DMP1: variants seen among roughly 807,000 people sequenced by gnomAD.
DMP1 encodes dentin matrix protein 1.
Under a neutral mutation model 14.6 loss-of-function variants are expected in DMP1, and 20 were observed. That is an observed-to-expected ratio of 1.37 (90% CI 0.96 to 1.99). The LOEUF (loss-of-function observed/expected upper bound fraction) is 1.99. Ranked by LOEUF, DMP1 falls within the 30% of genes most tolerant of loss-of-function variation. The pLI, the probability that DMP1 is intolerant of heterozygous loss-of-function variation, is 0.00. For missense variants in DMP1, 567 were observed against 620.5 expected, an observed-to-expected ratio of 0.91 and a Z score of 0.92; for synonymous variants, 197 against 215.3, an observed-to-expected ratio of 0.91 and a Z score of 0.75.
intron 5 of DMP1, among the ~76,000 whole-genome samples, chr4:87,660,957 CT>C (rs1366973241): frequency 3.9e-5 from 6 of 152,206 alleles, no homozygotes; most frequent in Non-Finnish European, 8.8e-5. Context: ...TTTAAAAACT[CT>C]GTTTCACACC....
rs760761426 is a variant in DMP1 at position 87,662,483 on chromosome 4, A to G, written c.705A>G (p.Ala235=). The change falls in exon 6 of 6, where the codon GCA becomes GCG. Residue 235 remains alanine, a synonymous_variant. Coordinates refer to ENST00000339673, the MANE Select transcript of DMP1 (RefSeq NM_004407.4). ...GGGGAAACTCCAGAATGAACAGTGC[A>G]GGCATGAAATCAAAAGAATCTGGAG... ...SERGNSRMNS[A]GMKSKESGEN... 6.2e-6 allele frequency: 10 copies of G among 1,614,234 alleles called. No individual in the cohort carries two copies. Among genetic ancestry groups the G allele is most frequent in the Admixed American group, 1.7e-5 (1 of 60,036 alleles).
chr4:87,653,074 T>C (rs937736025), intron 1 of DMP1, among the ~76,000 whole-genome samples: 1 of 152,094 alleles, frequency 6.6e-6, no homozygotes, highest in Non-Finnish European at 1.5e-5. Flanking sequence ...TTTTTCTCTG[T>C]TGATATTAAT....
chr4:87,664,134 G>C lies in DMP1; in HGVS notation c.*814G>C, dbSNP rs1729020074. 6.6e-6 allele frequency: 1 copy of C among 152,068 alleles called. No homozygotes were observed. The highest frequency in any genetic ancestry group is 6.6e-5 in the Admixed American group (1 of 15,250). The allele number at this position is 152,068 out of a possible 1,614,324, so 9.4% of individuals were successfully genotyped here. ...TCACTGGTGATGATAAGAAGGATTGGGTCAGGAAGAGTGGGAGAAAGAAAT... is the reference window on the plus strand; with the variant it reads ...TCACTGGTGATGATAAGAAGGATTGCGTCAGGAAGAGTGGGAGAAAGAAAT... On this transcript the variant is annotated 3_prime_UTR_variant, in exon 6 of 6. Transcript: ENST00000339673.
At chr4:87,653,396 TA>T (rs1295583576) in intron 1 of DMP1, among the ~76,000 whole-genome samples, 5 of 53,548 alleles carry the variant, frequency 9.3e-5, no homozygotes, top group Admixed American at 4.6e-4. Flanking sequence ...GATATATATA[TA>T]TATATATATA....
intron 3 of DMP1, 70 bp from the exon 4 acceptor site, chr4:87,659,150 G>A (rs1728782381): frequency 2.7e-6 from 4 of 1,475,724 alleles, no homozygotes; most frequent in Admixed American, 3.4e-5. Flanking sequence ...TAAAATTATT[G>A]TAAATAATTA....
chr4:87,659,390 G>T (rs1560492210), intron 4 of DMP1, 41 bp from the exon 5 acceptor site: 6 of 1,609,618 alleles, frequency 3.7e-6, no homozygotes, highest in African/African-American at 1.3e-5. Flanking sequence ...TCTTTCCTAA[G>T]GAATTACTAA....
chr4:87,661,473 C>G (rs1158039699), intron 5 of DMP1, among the ~76,000 whole-genome samples: 1 of 151,838 alleles, frequency 6.6e-6, no homozygotes, highest in South Asian at 2.1e-4. Context: ...CCGCCCGCCT[C>G]GGCCTCCCAA....
Position 87,656,522 on chromosome 4 carries a change from T to C in DMP1, c.30T>C (p.Leu10=). The C allele has an allele frequency of 6.2e-7, 1 of 1,610,476 alleles. No homozygotes were observed. The highest frequency in any genetic ancestry group is 8.5e-7 in the Non-Finnish European group (1 of 1,176,750). Reference sequence around the variant, plus strand: ...AGATCAGCATCCTGCTCATGTTCCTTTGGGGATTATCCTGTGCTCTCCCAG... The same window carrying C: ...AGATCAGCATCCTGCTCATGTTCCTCTGGGGATTATCCTGTGCTCTCCCAG... MKISILLMF[L]WGLSCALPVT... The change falls in exon 2 of 6, where the codon CTT becomes CTC. Residue 10 remains leucine (L), a synonymous_variant. Transcript: ENST00000339673.
intron 1 of DMP1, among the ~76,000 whole-genome samples, chr4:87,655,788 C>T (rs771225732): frequency 3.9e-5 from 6 of 152,026 alleles, no homozygotes; most frequent in Non-Finnish European, 7.4e-5. Context: ...TGCTAGGGTG[C>T]TCTGCCATAC....
At chr4:87,660,165 A>T (rs573715153) in intron 5 of DMP1, among the ~76,000 whole-genome samples, 1 of 152,298 alleles carries the variant, frequency 6.6e-6, no homozygotes, top group East Asian at 1.9e-4. Context: ...TCCATGTTGC[A>T]TTCTACACTT....
At position 87,662,479 on chromosome 4, in the gene DMP1, G is replaced by A. The variant is rs773197665; in HGVS notation, c.701G>A (p.Ser234Asn). ...GAAAGGGGAAACTCCAGAATGAACA[G>A]TGCAGGCATGAAATCAAAAGAATCT... ...RSERGNSRMN[S>N]AGMKSKESGE... The change falls in exon 6 of 6, where the codon AGT (serine) becomes AAT (asparagine). Residue 234 changes from serine (S) to asparagine (N), a missense_variant. Physicochemically the swap from Ser to Asn is conservative, Grantham distance 46 (BLOSUM62 1). Coordinates refer to ENST00000339673, the MANE Select transcript of DMP1 (RefSeq NM_004407.4). 3.1e-6 allele frequency: 5 copies of A among 1,614,110 alleles called. No individual in the cohort carries two copies. The highest frequency in any genetic ancestry group is 1.7e-5 in the Admixed American group (1 of 60,012).
Position 87,663,419 on chromosome 4 carries a change from A to C in DMP1, c.*99A>C. 1 of 1,565,534 alleles carries C rather than the reference A, an allele frequency of 6.4e-7. No individual in the cohort carries two copies. Among genetic ancestry groups the C allele is most frequent in the Non-Finnish European group, 8.8e-7 (1 of 1,141,482 alleles). ...ATTTATTGATGTTTTGATCAAAAGA[A>C]TAACCAGATGCCATATTTTTCCTGA... On this transcript the variant is annotated 3_prime_UTR_variant, in exon 6 of 6. Transcript: ENST00000339673.
intron 5 of DMP1, among the ~76,000 whole-genome samples, chr4:87,661,029 G>C (rs1181140506): frequency 1.4e-5 from 2 of 146,538 alleles, no homozygotes; most frequent in Non-Finnish European, 3.1e-5. Flanking sequence ...TACCTAAGAG[G>C]TTTTTTTGTG....
At chr4:87,661,465 G>A (rs1022902874) in intron 5 of DMP1, among the ~76,000 whole-genome samples, 12 of 150,478 alleles carry the variant, frequency 8.0e-5, no homozygotes, top group Admixed American at 2.6e-4. Context: ...CTCGTGATCC[G>A]CCCGCCTCGG....
rs199734764 is a variant in DMP1, at chr4:87,663,184, C to T, written c.1406C>T (p.Thr469Met). ...AGATCCAAAGAAGATAGCAACTCCACGGAGAGCAAATCAAGCAGTGAGGAA... is the reference window on the plus strand; with the variant it reads ...AGATCCAAAGAAGATAGCAACTCCATGGAGAGCAAATCAAGCAGTGAGGAA... ...SSRSKEDSNS[T>M]ESKSSSEEDG... Residue 469 changes from threonine to methionine, a missense_variant, in exon 6 of 6, where the codon ACG becomes ATG. Thr to Met is a moderately conservative substitution (Grantham distance 81). Transcript: ENST00000339673. 17 of 1,614,116 alleles carry T rather than the reference C, an allele frequency of 1.1e-5. No homozygotes were observed. Among genetic ancestry groups the T allele is most frequent in the East Asian group, 2.2e-5 (1 of 44,854 alleles).
At chr4:87,651,631 T>G (rs1728532543) in intron 1 of DMP1, among the ~76,000 whole-genome samples, 1 of 152,228 alleles carries the variant, frequency 6.6e-6, no homozygotes, top group East Asian at 1.9e-4. Flanking sequence ...ATTTACAGGT[T>G]GTACATGGAG....
intron 1 of DMP1, among the ~76,000 whole-genome samples, chr4:87,650,816 T>G (rs1728515266): frequency 6.6e-6 from 1 of 151,988 alleles, no homozygotes; most frequent in Non-Finnish European, 1.5e-5. Flanking sequence ...TTAAAAAGAA[T>G]TTTTTTTAAA....
rs998965402 is a variant in DMP1, at chr4:87,659,957, G to A, written c.183+479G>A. ...CTGCTTCAGTGATGACTTTCTCTTC[G>A]AAAATAGTCCCATCTGTGGGACTGG... On this transcript the variant is annotated intron_variant, in intron 5 of 5. Coordinates refer to ENST00000339673, the MANE Select transcript of DMP1 (RefSeq NM_004407.4). Among the ~76,000 whole-genome samples, 4 of 152,186 alleles carry A rather than the reference G, an allele frequency of 2.6e-5. No individual in the cohort carries two copies. The South Asian group carries it at 6.2e-4, about 24-fold the overall frequency.
intron 1 of DMP1, among the ~76,000 whole-genome samples, chr4:87,654,671 T>C (rs1728635428): frequency 6.6e-6 from 1 of 152,206 alleles, no homozygotes; most frequent in Admixed American, 6.5e-5. Context: ...TGCATTCCTT[T>C]GAGTCTTTGT....
Sources: gnomAD v4.1 joint callset for allele counts (sites outside exome capture counted in the v4.1 genomes callset) on GRCh38, gnomAD v4.1.1 for gene constraint, MANE v1.5 for transcripts, NCBI Gene and HGNC (gene_info 2026-07-23, HGNC 2026-07-21) for gene names.